The following COQ3 variants were observed in gnomAD, a reference collection of about 807,000 sequenced individuals.
The protein encoded by COQ3 is coenzyme Q3, methyltransferase.
In COQ3, 29 loss-of-function variants were observed where a neutral mutation model predicts 33.1. The ratio of observed to expected loss-of-function variants is 0.88; its 90% CI spans 0.65 to 1.19. COQ3 has a LOEUF of 1.19. Among genes scored for constraint, COQ3 ranks in the 50% most tolerant of loss-of-function variants. The pLI, the probability that COQ3 is intolerant of heterozygous loss-of-function variation, is 0.00. For missense variants in COQ3, 437 were observed against 430.7 expected (o/e 1.01, Z -0.13); for synonymous variants, 173 against 157.8 (o/e 1.10, Z -0.72).
intron 2 of COQ3, among the ~76,000 whole-genome samples, chr6:99,381,412 A>T (rs899684727): frequency 6.6e-6 from 1 of 151,684 alleles, no homozygotes; most frequent in African/African-American, 2.4e-5. Flanking sequence ...CCCTTTCCAA[A>T]CTCACTTCCT....
chr6:99,385,038 G>A (rs1179346838), intron 1 of COQ3, among the ~76,000 whole-genome samples: 2 of 152,200 alleles, frequency 1.3e-5, no homozygotes, highest in Non-Finnish European at 2.9e-5. Flanking sequence ...TGGAACCCGG[G>A]AGGCAGAGGC....
At chr6:99,370,429 A>T (rs1335501762) in intron 6 of COQ3, among the ~76,000 whole-genome samples, 2 of 137,036 alleles carry the variant, frequency 1.5e-5, no homozygotes, top group Non-Finnish European at 3.0e-5. Context: ...ACTCACTGCA[A>T]CCTCCATCTC....
chr6:99,377,434 C>G lies in COQ3; in HGVS notation c.438G>C (p.Leu146Phe). 6.2e-7 allele frequency: 1 copy of G among 1,613,582 alleles called. No individual in the cohort carries two copies. Among genetic ancestry groups the G allele is most frequent in the Non-Finnish European group, 8.5e-7 (1 of 1,179,750 alleles). The change falls in exon 4 of 7, where the codon TTG becomes TTC. Residue 146 changes from leucine (L) to phenylalanine (F), a missense_variant. By Grantham distance (22) the Leu-to-Phe change is conservative. Transcript: ENST00000254759. Reference sequence around the variant, plus strand: ...AGCCAACGTCAAGAATCTTCATCCCCAACAAAGGTTTTCCTGGCTGGTGAT... The same window carrying G: ...AGCCAACGTCAAGAATCTTCATCCCGAACAAAGGTTTTCCTGGCTGGTGAT... ...IPNHQPGKPL[L>F]GMKILDVGCG...
rs1774059398 is a variant in COQ3, at chr6:99,369,460, CA to C, written c.*139del. On this transcript the variant is annotated 3_prime_UTR_variant, in exon 7 of 7. Transcript: ENST00000254759. The stretch of plus-strand genomic sequence containing the variant: ...TGAAAGTAGCTATTAGACGAAATAA[CA>C]AAAACTTTTGTCCAAGGTTTTAGCC... 7.6e-6 allele frequency: 5 copies of C among 660,088 alleles called. No homozygotes were observed. Among genetic ancestry groups the C allele is most frequent in the South Asian group, 2.0e-5 (1 of 48,968 alleles). 40.9% of individuals were successfully genotyped at this position (660,088 alleles called of 1,614,324 possible). A position where few individuals can be genotyped will look rare whatever the true frequency, so the allele number is the denominator to read the frequency against.
At chr6:99,371,370 G>T in intron 6 of COQ3, 58 bp downstream of exon 6, 1 of 1,117,970 alleles carries the variant, frequency 8.9e-7, no homozygotes. Flanking sequence ...AATAATTACT[G>T]GCATATTAAA....
chr6:99,393,072 A>T (rs1014590618), intron 1 of COQ3, among the ~76,000 whole-genome samples: 1 of 152,204 alleles, frequency 6.6e-6, no homozygotes, highest in Non-Finnish European at 1.5e-5. Flanking sequence ...TCAGAAAAAG[A>T]AAAGTATATA....
intron 2 of COQ3, among the ~76,000 whole-genome samples, chr6:99,382,600 G>C (rs1774504386): frequency 6.6e-6 from 1 of 152,128 alleles, no homozygotes; most frequent in Non-Finnish European, 1.5e-5. Context: ...GACTAAGAAT[G>C]ATTTCATATA....
intron 1 of COQ3, among the ~76,000 whole-genome samples, chr6:99,388,283 A>T (rs186117642): frequency 2.6e-5 from 4 of 152,368 alleles, no homozygotes; most frequent in African/African-American, 9.6e-5. Context: ...AAAATTCAAA[A>T]TGTAAAATAC....
chr6:99,370,787 A>C (rs1774123293), intron 6 of COQ3, among the ~76,000 whole-genome samples: 1 of 152,210 alleles, frequency 6.6e-6, no homozygotes, highest in Admixed American at 6.5e-5. Context: ...TAGGAGTCTA[A>C]GTACTCAACA....
At chr6:99,373,902 T>G (rs1392572540) in intron 5 of COQ3, among the ~76,000 whole-genome samples, 1 of 151,814 alleles carries the variant, frequency 6.6e-6, no homozygotes, top group African/African-American at 2.4e-5. Flanking sequence ...CCCAGCTACT[T>G]GGGAGGCTGA....
chr6:99,380,113 T>C lies in COQ3; in HGVS notation c.386+76A>G, dbSNP rs976225059. ...CAGCATTTTTTAACTAGGTATAAAC[T>C]AAGAAAAAAATGAATGTGAAATATG... is the stretch of plus-strand genomic sequence containing the variant. On this transcript the variant is annotated intron_variant, in intron 3 of 6. Coordinates refer to ENST00000254759, the MANE Select transcript of COQ3 (RefSeq NM_017421.4). 1.1e-5 allele frequency: 16 copies of C among 1,435,608 alleles called. No individual in the cohort carries two copies. In the East Asian group the frequency reaches 1.2e-4, roughly 11 times the overall value. 88.9% of individuals were successfully genotyped at this position (1,435,608 alleles called of 1,614,324 possible).
Position 99,369,812 on chromosome 6 carries a change from A to G in COQ3, c.898T>C (p.Ser300Pro), listed in dbSNP as rs748408567. 4.6e-5 allele frequency: 72 copies of G among 1,573,972 alleles called. No homozygotes were observed. The highest frequency in any genetic ancestry group is 5.9e-5 in the Non-Finnish European group (69 of 1,161,172). Residue 300 changes from serine (S) to proline (P), a missense_variant, in exon 7 of 7, where the codon TCA (serine) becomes CCA (proline). Physicochemically the swap from Ser to Pro is moderately conservative, Grantham distance 74. Coordinates refer to ENST00000254759, the MANE Select transcript of COQ3 (RefSeq NM_017421.4). Reference sequence around the variant, plus strand: ...AGCATTCCTACCACTGTTTGAACTGACAGACCATCTGAAAAAAAAAAAAAT... The same window carrying G: ...AGCATTCCTACCACTGTTTGAACTGGCAGACCATCTGAAAAAAAAAAAAAT... ...LESILESNGL[S>P]VQTVVGMLYN...
At chr6:99,386,749 G>C (rs1190289756) in intron 1 of COQ3, among the ~76,000 whole-genome samples, 1 of 152,008 alleles carries the variant, frequency 6.6e-6, no homozygotes, top group Non-Finnish European at 1.5e-5. Flanking sequence ...TTCATATAGA[G>C]AGCCTGAATA....
At chr6:99,385,976 C>CAAAAAAAAAAAAA (rs61403627) in intron 1 of COQ3, among the ~76,000 whole-genome samples, 1 of 97,744 alleles carries the variant, frequency 1.0e-5, no homozygotes, top group Non-Finnish European at 1.9e-5. Context: ...GACTCTGTCT[C>CAAAAAAAAAAAAA]AAAAAAAAAA....
At chr6:99,388,498 T>C (rs1035919978) in intron 1 of COQ3, among the ~76,000 whole-genome samples, 1 of 82,132 alleles carries the variant, frequency 1.2e-5, no homozygotes, top group African/African-American at 3.9e-5. Flanking sequence ...TATCAAAATC[T>C]CAATAGCCTT....
chr6:99,391,371 C>T (rs1406995359), intron 1 of COQ3, among the ~76,000 whole-genome samples: 2 of 151,812 alleles, frequency 1.3e-5, no homozygotes, highest in Non-Finnish European at 2.9e-5. Context: ...CCCAAAGTGC[C>T]GGGATTAAAG....
Position 99,394,058 on chromosome 6 carries a change from C to T in COQ3, c.106+16G>A. The T allele has an allele frequency of 6.3e-7, 1 of 1,596,704 alleles. No homozygotes were observed. The highest frequency in any genetic ancestry group is 1.1e-5 in the South Asian group (1 of 90,740). ...GCAATTGACTGCATGCGAAGGACCT[C>T]CGCACACACACTCACCCGCCGAGGA... On this transcript the variant is annotated intron_variant, in intron 1 of 6. Transcript: ENST00000254759.
At chr6:99,380,148 A>C (rs753325156) in intron 3 of COQ3, 41 bp downstream of exon 3, 1 of 1,567,148 alleles carries the variant, frequency 6.4e-7, no homozygotes, top group Admixed American at 1.8e-5. Context: ...GAATTCTTAA[A>C]AAGTTCCATT....
chr6:99,388,385 C>T (rs1774716121), intron 1 of COQ3, among the ~76,000 whole-genome samples: 1 of 152,076 alleles, frequency 6.6e-6, no homozygotes. Flanking sequence ...TTACACAACA[C>T]TGATGAAAGA....
Sources: allele counts gnomAD v4.1 joint callset (sites outside exome capture counted in the v4.1 genomes callset), GRCh38; gene constraint gnomAD v4.1.1; transcripts MANE v1.5; gene names NCBI Gene and HGNC (gene_info 2026-07-23, HGNC 2026-07-21).